The following TAFA1 variants were observed in gnomAD, a reference collection of about 807,000 sequenced individuals.
TAFA1 encodes the protein chemokine-like protein TAFA-1.
In TAFA1, 4 loss-of-function variants were observed where a neutral mutation model predicts 18.5. That is an observed-to-expected ratio of 0.22 (90% CI 0.11 to 0.49). TAFA1 has a LOEUF of 0.49. Among genes scored for constraint, TAFA1 ranks in the 20% least tolerant of loss-of-function variants. The probability of loss-of-function intolerance (pLI) is 0.98; values close to 1 mark genes in which losing one functional copy is unlikely to be tolerated. For missense variants in TAFA1, 147 were observed against 169.0 expected, an observed-to-expected ratio of 0.87 and a Z score of 0.72; for synonymous variants, 56 against 55.2, an observed-to-expected ratio of 1.01 and a Z score of -0.06.
chr3:68,259,468 G>A lies in TAFA1; in HGVS notation c.119-157812G>A, dbSNP rs547278334. On this transcript the variant is annotated intron_variant, in intron 2 of 4. Coordinates refer to ENST00000478136, the MANE Select transcript of TAFA1 (RefSeq NM_213609.4). ...CTTTAAAGTAGTTTTTTCCAATTATGTGAAGAAAGTCATTGGTAGCTTGAT... is the reference window on the plus strand; with the variant it reads ...CTTTAAAGTAGTTTTTTCCAATTATATGAAGAAAGTCATTGGTAGCTTGAT... Among the ~76,000 whole-genome samples the A allele has an allele frequency of 2.0e-5, 3 of 152,202 alleles. No homozygotes were observed. In the South Asian group the frequency reaches 6.2e-4, roughly 32 times the overall value.
intron 3 of TAFA1, among the ~76,000 whole-genome samples, chr3:68,529,943 C>T (rs1374924202): frequency 6.6e-6 from 1 of 152,122 alleles, no homozygotes; most frequent in Non-Finnish European, 1.5e-5. Flanking sequence ...CTTTTATTCC[C>T]CAACCTGAGC....
At chr3:68,134,529 A>T (rs2065583910) in intron 2 of TAFA1, among the ~76,000 whole-genome samples, 1 of 152,168 alleles carries the variant, frequency 6.6e-6, no homozygotes, top group Admixed American at 6.5e-5. Flanking sequence ...GCTGGTTCTT[A>T]CTGTCAGTCA....
chr3:68,025,085 A>G (rs1018655102), intron 2 of TAFA1, among the ~76,000 whole-genome samples: 7 of 152,104 alleles, frequency 4.6e-5, no homozygotes, highest in Non-Finnish European at 8.8e-5. Context: ...CCTAGTCCCC[A>G]CACCTATTCC....
chr3:68,514,931 T>C (rs1180167645), intron 3 of TAFA1, among the ~76,000 whole-genome samples: 1 of 152,132 alleles, frequency 6.6e-6, no homozygotes, highest in Non-Finnish European at 1.5e-5. Flanking sequence ...GCAATTTGGA[T>C]AAGGTTTGGC....
rs558346773 is a variant in TAFA1, at chr3:68,129,068, A to G, written c.118+122324A>G. 8.5e-5 allele frequency among the ~76,000 whole-genome samples: 13 copies of G among 152,296 alleles called. No homozygotes were observed. The South Asian group carries it at 2.3e-3, about 27-fold the overall frequency. On this transcript the variant is annotated intron_variant, in intron 2 of 4. Transcript: ENST00000478136. ...TCCCCATTTGTCAGGAGTTGGGCTA[A>G]GTACTTGACTGGTGTTGTCCCATTT...
At chr3:68,160,075 T>C (rs1209688052) in intron 2 of TAFA1, among the ~76,000 whole-genome samples, 1 of 152,156 alleles carries the variant, frequency 6.6e-6, no homozygotes, top group Non-Finnish European at 1.5e-5. Flanking sequence ...AATAAGTGTA[T>C]AGTAGAAATG....
intron 2 of TAFA1, among the ~76,000 whole-genome samples, chr3:68,135,286 C>T (rs1270363208): frequency 6.6e-6 from 1 of 152,188 alleles, no homozygotes; most frequent in African/African-American, 2.4e-5. Context: ...AGTCATCAAA[C>T]AACATCTACT....
chr3:68,321,776 A>G (rs977084646), intron 2 of TAFA1, among the ~76,000 whole-genome samples: 5 of 152,130 alleles, frequency 3.3e-5, no homozygotes, highest in Admixed American at 2.0e-4. Flanking sequence ...TTCAGTCTCC[A>G]TCTGGACTTT....
intron 3 of TAFA1, among the ~76,000 whole-genome samples, chr3:68,431,818 C>T (rs944656048): frequency 6.6e-6 from 1 of 151,850 alleles, no homozygotes; most frequent in Non-Finnish European, 1.5e-5. Context: ...TGGCTGGGAG[C>T]GTCGGCAGAC....
intron 2 of TAFA1, among the ~76,000 whole-genome samples, chr3:68,284,215 C>T (rs2067956141): frequency 6.6e-6 from 1 of 152,160 alleles, no homozygotes. Flanking sequence ...TAGGCCCCTA[C>T]TAATGTTTCA....
At chr3:68,200,550 C>A (rs2066458751) in intron 2 of TAFA1, among the ~76,000 whole-genome samples, 1 of 151,568 alleles carries the variant, frequency 6.6e-6, no homozygotes, top group Admixed American at 6.6e-5. Flanking sequence ...TCTTCATATG[C>A]AAGTTTTGGC....
At chr3:68,442,791 A>G (rs1013200465) in intron 3 of TAFA1, among the ~76,000 whole-genome samples, 2 of 152,198 alleles carry the variant, frequency 1.3e-5, no homozygotes, top group Non-Finnish European at 2.9e-5. Context: ...CCTGCAGAAA[A>G]GAATAGATTA....
At chr3:68,372,477 G>C (rs1275058808) in intron 2 of TAFA1, among the ~76,000 whole-genome samples, 1 of 152,194 alleles carries the variant, frequency 6.6e-6, no homozygotes, top group African/African-American at 2.4e-5. Flanking sequence ...TTGATGAAGA[G>C]AGCCAGGTGG....
At chr3:68,358,529 A>G (rs2069407650) in intron 2 of TAFA1, among the ~76,000 whole-genome samples, 1 of 151,946 alleles carries the variant, frequency 6.6e-6, no homozygotes, top group Admixed American at 6.6e-5. Flanking sequence ...ACTGTATGAT[A>G]TGGCTTCCCT....
At chr3:68,465,426 C>A (rs1170271302) in intron 3 of TAFA1, among the ~76,000 whole-genome samples, 1 of 152,120 alleles carries the variant, frequency 6.6e-6, no homozygotes, top group Non-Finnish European at 1.5e-5. Flanking sequence ...TTTGGATGTT[C>A]CATTACTTGC....
intron 2 of TAFA1, among the ~76,000 whole-genome samples, chr3:68,393,878 C>T (rs1479812462): frequency 2.0e-5 from 3 of 152,098 alleles, no homozygotes; most frequent in Non-Finnish European, 4.4e-5. Flanking sequence ...ATAATAAGAG[C>T]TATTTATGAC....
chr3:68,533,969 C>G (rs1374489503), intron 3 of TAFA1, among the ~76,000 whole-genome samples: 1 of 151,994 alleles, frequency 6.6e-6, no homozygotes, highest in Non-Finnish European at 1.5e-5. Context: ...CAAAATTGGT[C>G]TAATGACATC....
rs566009642 is a variant in TAFA1 at position 68,166,120 on chromosome 3, A to G, written c.118+159376A>G. Among the ~76,000 whole-genome samples, 162 of 152,290 alleles carry G rather than the reference A, an allele frequency of 1.1e-3. No individual in the cohort carries two copies. In the South Asian group the frequency reaches 0.013, roughly 12 times the overall value. ...TATGAAAGAGCATAGCACATTGCCA[A>G]TACTGAAATTCAGTGTGGCCAGAGA... is the stretch of plus-strand genomic sequence containing the variant. On this transcript the variant is annotated intron_variant, in intron 2 of 4. Coordinates refer to ENST00000478136, the MANE Select transcript of TAFA1 (RefSeq NM_213609.4).
chr3:68,360,325 G>C (rs2069446261), intron 2 of TAFA1, among the ~76,000 whole-genome samples: 1 of 151,932 alleles, frequency 6.6e-6, no homozygotes, highest in Non-Finnish European at 1.5e-5. Flanking sequence ...CTATTTAGTA[G>C]AATATAGGTG....
Sources: gnomAD v4.1 joint callset for allele counts (sites outside exome capture counted in the v4.1 genomes callset) on GRCh38, gnomAD v4.1.1 for gene constraint, MANE v1.5 for transcripts, NCBI Gene and HGNC (gene_info 2026-07-23, HGNC 2026-07-21) for gene names.